Variants in AGO2 observed in about 807,000 individuals in gnomAD.
AGO2 encodes argonaute RISC catalytic component 2, also known as protein argonaute-2.
In AGO2, 5 loss-of-function variants were observed where a neutral mutation model predicts 102.3. The observed-to-expected ratio is 0.05, with a 90% CI of 0.03 to 0.10. AGO2 has a LOEUF of 0.10. Among genes scored for constraint, AGO2 ranks in the 10% least tolerant of loss-of-function variants. The probability of loss-of-function intolerance (pLI) is 1.00; values close to 1 mark genes in which losing one functional copy is unlikely to be tolerated. For synonymous variants in AGO2, 449 were observed against 473.1 expected, an observed-to-expected ratio of 0.95 and a Z score of 0.66; for missense variants, 541 against 1,183.7, an observed-to-expected ratio of 0.46 and a Z score of 7.97.
intron 1 of AGO2, 56 bp from the exon 2 acceptor site, chr8:140,585,367 T>G: frequency 6.4e-7 from 1 of 1,567,014 alleles, no homozygotes; most frequent in Admixed American, 1.8e-5. Context: ...TCTGCGGCCC[T>G]TCCCATCCCG....
Position 140,589,956 on chromosome 8 carries a change from G to A in AGO2, c.23-4645C>T, listed in dbSNP as rs1026947164. ...CTCCCTTATGGCCACCCAAGTTGACGCTAAACACAGTCATGGCAGCTTTTT... is the reference window on the plus strand; with the variant it reads ...CTCCCTTATGGCCACCCAAGTTGACACTAAACACAGTCATGGCAGCTTTTT... On this transcript the variant is annotated intron_variant, in intron 1 of 18. Coordinates refer to ENST00000220592, the MANE Select transcript of AGO2 (RefSeq NM_012154.5). This position sits in a 1 kb window ranked among gnomAD's most constrained non-coding sequence, Gnocchi z 4.2. Among the ~76,000 whole-genome samples the A allele has an allele frequency of 3.9e-5, 6 of 152,230 alleles. No individual in the cohort carries two copies. Among genetic ancestry groups the A allele is most frequent in the African/African-American group, 1.4e-4 (6 of 41,458 alleles).
chr8:140,568,973 C>T (rs1012801894), intron 3 of AGO2, among the ~76,000 whole-genome samples: 10 of 152,184 alleles, frequency 6.6e-5, no homozygotes, highest in Non-Finnish European at 1.5e-4. Context: ...GGCTCCCTGC[C>T]GCACACTGCC....
chr8:140,532,410 A>G lies in AGO2; in HGVS notation c.2471+6T>C. ...GCTGTGACCTCCAGCCAGGCATGCC[A>G]CTCACCTGTCATGTTCCTTATCCAC... On this transcript the variant is annotated splice_donor_region_variant and intron_variant, in intron 18 of 18. Transcript: ENST00000220592. 6 of 1,610,078 alleles carry G rather than the reference A, an allele frequency of 3.7e-6. No individual in the cohort carries two copies. The highest frequency in any genetic ancestry group is 5.1e-6 in the Non-Finnish European group (6 of 1,178,046).
In AGO2 at chr8:140,544,240, C is replaced by A; in HGVS notation, c.1812G>T (p.Gly604=). 2 of 1,594,954 alleles carry A rather than the reference C, an allele frequency of 1.3e-6. No individual in the cohort carries two copies. The highest frequency in any genetic ancestry group is 2.3e-5 in the East Asian group (1 of 43,036). The change falls in exon 14 of 19, where the codon GGG becomes GGT. Residue 604 remains glycine, a synonymous_variant. Coordinates refer to ENST00000220592, the MANE Select transcript of AGO2 (RefSeq NM_012154.5). ...CGGCAATGGAGGGCTTCTTCCCATC[C>A]CCGGCGGGGGGGTGAGTGACGTCTG... ...LGADVTHPPA[G]DGKKPSIAAV...
In AGO2 at chr8:140,547,693, C is replaced by A. The variant is rs966745873; in HGVS notation, c.1589-66G>T. ...CTTCCTCAGCTGGCCCCGAGAGCAG[C>A]AGCTGCCACCAGCCCTCTTGCCCCC... On this transcript the variant is annotated intron_variant, in intron 12 of 18. Coordinates refer to ENST00000220592, the MANE Select transcript of AGO2 (RefSeq NM_012154.5). 42 of 1,547,320 alleles carry A rather than the reference C, an allele frequency of 2.7e-5. 1 individual carries two copies. The African/African-American group carries it at 5.6e-4, about 20-fold the overall frequency.
chr8:140,600,233 A>G (rs2073912307), intron 1 of AGO2, among the ~76,000 whole-genome samples: 1 of 152,272 alleles, frequency 6.6e-6, no homozygotes. Flanking sequence ...GCTGTAAGGC[A>G]CAAAAGTGGG....
intron 3 of AGO2, 144 bp from the exon 4 acceptor site, chr8:140,562,778 A>G: frequency 1.2e-6 from 1 of 836,856 alleles, no homozygotes. Flanking sequence ...ACATGTGGCT[A>G]TGGAGCACTT....
At position 140,589,327 on chromosome 8, in the gene AGO2, T is replaced by C. The variant is rs1032493800; in HGVS notation, c.23-4016A>G. ...TTAAATAAATGAATAGCCCAGCTCT[T>C]CCGTGAAGCCGCTTTGGCTACCGGC... On this transcript the variant is annotated intron_variant, in intron 1 of 18. Coordinates refer to ENST00000220592, the MANE Select transcript of AGO2 (RefSeq NM_012154.5). The surrounding 1 kb of genome is among the most constrained non-coding windows in gnomAD (Gnocchi z 4.2). Among the ~76,000 whole-genome samples, 2 of 152,126 alleles carry C rather than the reference T, an allele frequency of 1.3e-5. No individual in the cohort carries two copies. The highest frequency in any genetic ancestry group is 2.9e-5 in the Non-Finnish European group (2 of 68,020).
chr8:140,547,577 C>A lies in AGO2; in HGVS notation c.1639G>T (p.Val547Leu). The A allele has an allele frequency of 6.2e-7, 1 of 1,614,138 alleles. No homozygotes were observed. The highest frequency in any genetic ancestry group is 8.5e-7 in the Non-Finnish European group (1 of 1,179,990). The change falls in exon 13 of 19, where the codon GTG (valine) becomes TTG (leucine). Residue 547 changes from valine (V) to leucine (L), a missense_variant. By Grantham distance (32) the Val-to-Leu change is conservative. Around this residue, in one of 6 missense-constraint regions of AGO2, gnomAD observed 309 missense variants for 735.1 expected, o/e 0.42. Transcript: ENST00000220592. ...GTCCTCTGCACGTTCTTCATCTGCA[C>A]GCACTGCGTGGCCATCCCCAGCACC... ...DTVLGMATQC[V>L]QMKNVQRTTP...
rs1371966637 is a variant in AGO2 at position 140,635,530 on chromosome 8, G to A, written c.-24C>T. On this transcript the variant is annotated 5_prime_UTR_variant, in exon 1 of 19. Coordinates refer to ENST00000220592, the MANE Select transcript of AGO2 (RefSeq NM_012154.5). ...ATGGTGGCGCCGCCGAGGGGCTCCG[G>A]GGCCGAGGGGCGGCCGCGCGCGCGC... 1 of 979,132 alleles carries A rather than the reference G, an allele frequency of 1.0e-6. No individual in the cohort carries two copies. The highest frequency in any genetic ancestry group is 6.4e-5 in the Admixed American group (1 of 15,706). The allele number at this position is 979,132 out of a possible 1,614,324, so 60.7% of individuals were successfully genotyped here.
chr8:140,574,223 A>G (rs1292910727), intron 2 of AGO2, among the ~76,000 whole-genome samples: 1 of 151,352 alleles, frequency 6.6e-6, no homozygotes, highest in Non-Finnish European at 1.5e-5. Flanking sequence ...TGTTCCAAAG[A>G]GGTACCAGCT....
At chr8:140,578,933 CA>C (rs757313261) in intron 2 of AGO2, among the ~76,000 whole-genome samples, 3 of 152,258 alleles carry the variant, frequency 2.0e-5, no homozygotes, top group Non-Finnish European at 4.4e-5. Context: ...CCCTCTTTTA[CA>C]AATGTCATCC....
rs527907042 is a variant in AGO2, at chr8:140,582,457, A to G, written c.215+2662T>C. On this transcript the variant is annotated intron_variant, in intron 2 of 18. Transcript: ENST00000220592. Reference sequence around the variant, plus strand: ...TGGTAAGCGTAACGGAAATATTCCAAAATTCAAATAAATAAATAAATAAAT... The same window carrying G: ...TGGTAAGCGTAACGGAAATATTCCAGAATTCAAATAAATAAATAAATAAAT... 3.9e-5 allele frequency among the ~76,000 whole-genome samples: 6 copies of G among 152,360 alleles called. 1 individual carries two copies. The highest frequency in any genetic ancestry group is 1.4e-4 in the African/African-American group (6 of 41,580).
In AGO2 at chr8:140,541,498, CTGGG is replaced by C. The variant is rs1302896390; in HGVS notation, c.1840-144_1840-141del. 6 of 785,940 alleles carry C rather than the reference CTGGG, an allele frequency of 7.6e-6. No individual in the cohort carries two copies. In the African/African-American group the frequency reaches 1.1e-4, roughly 14 times the overall value. 48.7% of individuals were successfully genotyped at this position (785,940 alleles called of 1,614,324 possible). ...GTCACTGTCAAGTGACAATGGCTGG[CTGGG>C]TGTGAACTCAGCCTTTAGGCTTTTG... On this transcript the variant is annotated intron_variant, in intron 14 of 18. Coordinates refer to ENST00000220592, the MANE Select transcript of AGO2 (RefSeq NM_012154.5).
chr8:140,558,338 G>A (rs2073135675), intron 7 of AGO2, 147 bp downstream of exon 7: 1 of 799,922 alleles, frequency 1.3e-6, no homozygotes, highest in East Asian at 2.5e-5. Flanking sequence ...AATCTACTGA[G>A]CCATGTAAGG....
At chr8:140,558,393 A>C in intron 7 of AGO2, 92 bp downstream of exon 7, 2 of 1,374,848 alleles carry the variant, frequency 1.5e-6, no homozygotes, top group South Asian at 2.4e-5. Context: ...TCCTTTCTGG[A>C]GAATGGGCAC....
At chr8:140,551,188 A>G in intron 11 of AGO2, 115 bp downstream of exon 11, 1 of 1,257,106 alleles carries the variant, frequency 8.0e-7, no homozygotes, top group African/African-American at 1.5e-5. Context: ...TGACATCAAA[A>G]CCCATACCAG....
chr8:140,619,829 A>G (rs2074194383), intron 1 of AGO2, among the ~76,000 whole-genome samples: 1 of 151,962 alleles, frequency 6.6e-6, no homozygotes, highest in Admixed American at 6.6e-5. Context: ...GAGGCGAGAA[A>G]CCCTGCTGGG....
At chr8:140,641,257 C>T in the AGO2 span, among the ~76,000 whole-genome samples, 2 of 151,688 alleles carry the variant, frequency 1.3e-5, no homozygotes, top group Admixed American at 1.3e-4. Context: ...TGTACCACTG[C>T]GCTCTAGTCT....
Sources: allele counts gnomAD v4.1 joint callset (sites outside exome capture counted in the v4.1 genomes callset), GRCh38; gene constraint gnomAD v4.1.1; regional missense constraint gnomAD v4.1.1; non-coding constraint Gnocchi (gnomAD v3.1); transcripts MANE v1.5; gene names NCBI Gene and HGNC (gene_info 2026-07-23, HGNC 2026-07-21).